The following ODR4 variants were observed in gnomAD, a reference collection of about 807,000 sequenced individuals.
ODR4 encodes the protein protein odr-4 homolog.
Under a neutral mutation model 60.2 loss-of-function variants are expected in ODR4, and 47 were observed. The ratio of observed to expected loss-of-function variants is 0.78; its 90% CI spans 0.62 to 1.00. ODR4 has a LOEUF of 1.00. ODR4 is among the 50% of genes least tolerant of loss of function. The probability of loss-of-function intolerance (pLI) is 0.00; values close to 1 mark genes in which losing one functional copy is unlikely to be tolerated. For missense variants in ODR4, 488 were observed against 530.8 expected (o/e 0.92, Z 0.79); for synonymous variants, 178 against 175.5 (o/e 1.01, Z -0.11).
At chr1:186,409,786 C>T (rs940954578) in intron 12 of ODR4, among the ~76,000 whole-genome samples, 1 of 152,102 alleles carries the variant, frequency 6.6e-6, no homozygotes, top group Non-Finnish European at 1.5e-5. Context: ...CCTTGTGATC[C>T]GCCTGCCTCA....
At chr1:186,406,805 A>AT (rs1277094484) in intron 12 of ODR4, among the ~76,000 whole-genome samples, 7 of 150,812 alleles carry the variant, frequency 4.6e-5, no homozygotes, top group Non-Finnish European at 1.0e-4. Context: ...TTTGTAACAC[A>AT]TTTTTTTTTC....
At chr1:186,425,171 C>T (rs773848506), downstream of ODR4, among the ~76,000 whole-genome samples, 1 of 152,036 alleles carries the variant, frequency 6.6e-6, no homozygotes, top group Non-Finnish European at 1.5e-5. Context: ...AAGCTCAAGA[C>T]CCAGAATCTC....
intron 12 of ODR4, among the ~76,000 whole-genome samples, chr1:186,408,954 A>G (rs926830693): frequency 6.6e-6 from 1 of 152,104 alleles, no homozygotes; most frequent in African/African-American, 2.4e-5. Context: ...ACACAAGTAT[A>G]TAGACTAGTT....
chr1:186,410,376 A>C (rs1661332349), intron 12 of ODR4, among the ~76,000 whole-genome samples: 1 of 152,232 alleles, frequency 6.6e-6, no homozygotes, highest in South Asian at 2.1e-4. Flanking sequence ...ATGTAGCACT[A>C]GTTGTTGCCC....
At chr1:186,411,376 A>G (rs1179746429) in intron 12 of ODR4, among the ~76,000 whole-genome samples, 1 of 152,212 alleles carries the variant, frequency 6.6e-6, no homozygotes, top group Non-Finnish European at 1.5e-5. Flanking sequence ...GCTCTGTAAT[A>G]TACAGTGTAT....
Position 186,383,131 on chromosome 1 carries a change from A to C in ODR4, c.209A>C (p.Glu70Ala). The C allele has an allele frequency of 2.6e-6, 4 of 1,554,486 alleles. No homozygotes were observed. Among genetic ancestry groups the C allele is most frequent in the Non-Finnish European group, 3.5e-6 (4 of 1,148,360 alleles). The change falls in exon 3 of 14, where the codon GAA (glutamate) becomes GCA (alanine). Residue 70 changes from glutamate to alanine, a missense_variant. Transcript: ENST00000287859. ...PKAKLDNLDE[E>A]WATEHACQVS... Reference sequence around the variant, plus strand: ...GCTAAGTTGGATAACTTGGATGAAGAATGGGCCACAGAACATGCCTGCCAG... The same window carrying C: ...GCTAAGTTGGATAACTTGGATGAAGCATGGGCCACAGAACATGCCTGCCAG...
chr1:186,402,187 A>ATTCCTTCTTTCTTTCTTTCTTTCT (rs1553236963), intron 11 of ODR4, among the ~76,000 whole-genome samples: 1 of 135,424 alleles, frequency 7.4e-6, no homozygotes, highest in Admixed American at 7.3e-5. Context: ...TAGGCATCCT[A>ATTCCTTCTTTCTTTCTTTCTTTCT]TTCTTTCTTT....
chr1:186,397,296 G>A (rs1393806656), intron 9 of ODR4, among the ~76,000 whole-genome samples: 1 of 152,106 alleles, frequency 6.6e-6, no homozygotes, highest in Non-Finnish European at 1.5e-5. Context: ...CTTTTCACAA[G>A]TTGTATGATT....
chr1:186,425,853 G>A (rs1242321313), downstream of ODR4, among the ~76,000 whole-genome samples: 1 of 152,220 alleles, frequency 6.6e-6, no homozygotes, highest in East Asian at 1.9e-4. Flanking sequence ...CCTCTTGCTG[G>A]CTGGAAAAGA....
chr1:186,427,815 G>A, the ODR4 span, among the ~76,000 whole-genome samples: 4 of 152,208 alleles, frequency 2.6e-5, no homozygotes, highest in Non-Finnish European at 5.9e-5. Context: ...AAGAATAGAT[G>A]TTGTATTTGT....
chr1:186,389,161 C>G (rs1462456431), intron 5 of ODR4, among the ~76,000 whole-genome samples: 6 of 144,252 alleles, frequency 4.2e-5, no homozygotes, highest in Non-Finnish European at 7.6e-5. Context: ...TTTTTTTTAA[C>G]AACAACAAAA....
intron 11 of ODR4, among the ~76,000 whole-genome samples, chr1:186,402,770 C>T (rs982381357): frequency 2.0e-5 from 3 of 151,276 alleles, no homozygotes; most frequent in Non-Finnish European, 4.4e-5. Context: ...TAATTTTTAC[C>T]TTTTTGTAGA....
At chr1:186,409,322 C>G (rs1170397885) in intron 12 of ODR4, among the ~76,000 whole-genome samples, 1 of 152,168 alleles carries the variant, frequency 6.6e-6, no homozygotes, top group Non-Finnish European at 1.5e-5. Context: ...CTCATGAAAC[C>G]GTTACATGTG....
the ODR4 span, among the ~76,000 whole-genome samples, chr1:186,431,107 A>G: frequency 6.6e-6 from 1 of 152,196 alleles, no homozygotes; most frequent in African/African-American, 2.4e-5. Flanking sequence ...CACCTCTTCT[A>G]GCATAATAGC....
chr1:186,425,166 C>G (rs1661862455), downstream of ODR4, among the ~76,000 whole-genome samples: 1 of 152,054 alleles, frequency 6.6e-6, no homozygotes, highest in Admixed American at 6.6e-5. Flanking sequence ...AGTTCAAGCT[C>G]AAGACCCAGA....
chr1:186,432,108 T>G, the ODR4 span, among the ~76,000 whole-genome samples: 1 of 152,108 alleles, frequency 6.6e-6, no homozygotes, highest in Non-Finnish European at 1.5e-5. Context: ...ATATATGGCT[T>G]GGAGGTGGGA....
At position 186,390,769 on chromosome 1, in the gene ODR4, C is replaced by T. The variant is rs1245461358; in HGVS notation, c.533C>T (p.Ser178Phe). 22 of 1,613,066 alleles carry T rather than the reference C, an allele frequency of 1.4e-5. No homozygotes were observed. Among genetic ancestry groups the T allele is most frequent in the African/African-American group, 2.7e-5 (2 of 74,910 alleles). ...AGTGGATTATCATCCTCATGGCTTT[C>T]TTTAGAGTGTACAGTTCACATTAAT... Reference protein sequence around the residue: ...YQSGLSSSWLSLECTVHINIH... With the variant: ...YQSGLSSSWLFLECTVHINIH... Residue 178 changes from serine to phenylalanine, a missense_variant, in exon 7 of 14, where the codon TCT becomes TTT. By Grantham distance (155) the Ser-to-Phe change is radical. Transcript: ENST00000287859.
At chr1:186,378,831 C>T (rs1659900246) in intron 1 of ODR4, among the ~76,000 whole-genome samples, 1 of 152,176 alleles carries the variant, frequency 6.6e-6, no homozygotes, top group Admixed American at 6.6e-5. Flanking sequence ...ATGGAAAGTA[C>T]TTACAATAAT....
the ODR4 span, among the ~76,000 whole-genome samples, chr1:186,428,665 G>T: frequency 4.0e-4 from 61 of 152,174 alleles, no homozygotes; most frequent in Non-Finnish European, 6.2e-4. Context: ...TCCTCATTTA[G>T]CTTAATCATT....
Sources: gnomAD v4.1 joint callset for allele counts (sites outside exome capture counted in the v4.1 genomes callset) on GRCh38, gnomAD v4.1.1 for gene constraint, MANE v1.5 for transcripts, NCBI Gene and HGNC (gene_info 2026-07-23, HGNC 2026-07-21) for gene names.